Variants in PRTG observed in about 807,000 individuals in gnomAD.
PRTG encodes protogenin, also known as immunoglobulin superfamily, DCC subclass, member 5.
A neutral mutation model predicts 122.5 loss-of-function variants in PRTG; 67 were observed. The observed-to-expected ratio is 0.55, with a 90% confidence interval of 0.45 to 0.67. PRTG has a LOEUF of 0.67. Among genes scored for constraint, PRTG ranks in the 30% least tolerant of loss-of-function variants. The probability of loss-of-function intolerance (pLI) is 0.00; values close to 1 mark genes in which losing one functional copy is unlikely to be tolerated. For missense variants in PRTG, 1,435 were observed against 1,415.4 expected (o/e 1.01, Z -0.22); for synonymous variants, 554 against 501.1 (o/e 1.11, Z -1.41).
intron 2 of PRTG, among the ~76,000 whole-genome samples, chr15:55,687,246 T>G (rs1303313726): frequency 6.6e-6 from 1 of 152,244 alleles, no homozygotes; most frequent in Non-Finnish European, 1.5e-5. Context: ...TTATTATTTT[T>G]TTGTTTGCTA....
intron 1 of PRTG, among the ~76,000 whole-genome samples, chr15:55,741,480 A>G (rs530983929): frequency 1.3e-5 from 2 of 152,346 alleles, no homozygotes; most frequent in South Asian, 2.1e-4. Context: ...TTTTTATCAG[A>G]GCAGAGGAAA....
chr15:55,686,549 T>C (rs998045789), intron 2 of PRTG, among the ~76,000 whole-genome samples: 2 of 152,198 alleles, frequency 1.3e-5, no homozygotes, highest in African/African-American at 2.4e-5. Flanking sequence ...TCTTCATCCC[T>C]AACAGTCCTC....
At chr15:55,639,027 A>C (rs1211056515) in intron 13 of PRTG, among the ~76,000 whole-genome samples, 1 of 152,134 alleles carries the variant, frequency 6.6e-6, no homozygotes, top group Admixed American at 6.5e-5. Flanking sequence ...GCTAGAGTGC[A>C]GTAGTGGGAT....
At chr15:55,717,496 C>A (rs1419425213) in intron 2 of PRTG, among the ~76,000 whole-genome samples, 2 of 152,200 alleles carry the variant, frequency 1.3e-5, no homozygotes, top group Non-Finnish European at 2.9e-5. Flanking sequence ...AGCTTTTATT[C>A]TTCCAAAGAA....
rs1346524667 is a variant in PRTG at position 55,677,830 on chromosome 15, T to C, written c.1348A>G (p.Ile450Val). 2 of 1,613,768 alleles carry C rather than the reference T, an allele frequency of 1.2e-6. No homozygotes were observed. The highest frequency in any genetic ancestry group is 1.7e-6 in the Non-Finnish European group (2 of 1,179,836). ...TTCATGTAGTGTACAGAATAGGCAA[T>C]GACTTTGTCTGAATTATAAAGTGGC... is the stretch of plus-strand genomic sequence containing the variant. The part of the protein sequence containing the change: ...ERPLYNSDKV[I>V]AYSVHYMKAE... The change falls in exon 8 of 20, where the codon ATT becomes GTT. Residue 450 changes from isoleucine to valine, a missense_variant. Transcript: ENST00000389286.
At chr15:55,641,018 G>A in intron 12 of PRTG, 95 bp downstream of exon 12, 1 of 856,530 alleles carries the variant, frequency 1.2e-6, no homozygotes, top group Non-Finnish European at 1.9e-6. Flanking sequence ...AGCCACCAAA[G>A]CTTCCAAGTA....
At chr15:55,625,319 C>T (rs1007034387) in intron 17 of PRTG, among the ~76,000 whole-genome samples, 15 of 152,298 alleles carry the variant, frequency 9.8e-5, no homozygotes, top group African/African-American at 3.6e-4. Flanking sequence ...TGTTTTAACC[C>T]TTGTCTAGAG....
chr15:55,733,387 G>A (rs535331818), intron 2 of PRTG, among the ~76,000 whole-genome samples: 8 of 151,760 alleles, frequency 5.3e-5, no homozygotes, highest in Admixed American at 4.6e-4. Flanking sequence ...GCGCATGCCT[G>A]TAATCCCAGC....
intron 2 of PRTG, among the ~76,000 whole-genome samples, chr15:55,686,950 G>C (rs1035282813): frequency 2.4e-4 from 36 of 152,286 alleles, no homozygotes; most frequent in African/African-American, 8.7e-4. Flanking sequence ...GTACACTGCA[G>C]ACCTTCACTG....
At chr15:55,667,010 T>C (rs573451384) in intron 11 of PRTG, among the ~76,000 whole-genome samples, 3 of 152,266 alleles carry the variant, frequency 2.0e-5, no homozygotes, top group Admixed American at 1.3e-4. Context: ...GTTTCTATAA[T>C]AGAACATTGT....
Position 55,670,650 on chromosome 15 carries a change from C to T in PRTG, c.2041+1795G>A, listed in dbSNP as rs188012030. On this transcript the variant is annotated intron_variant, in intron 11 of 19. Transcript: ENST00000389286. The stretch of plus-strand genomic sequence containing the variant: ...GCACAGTGGCTCACGCCTGTAATCC[C>T]AACACTTTGGGAGGCTGAGATGGGC... Among the ~76,000 whole-genome samples the T allele has an allele frequency of 2.0e-5, 3 of 152,120 alleles. No homozygotes were observed. The East Asian group carries it at 5.8e-4, about 29-fold the overall frequency.
intron 15 of PRTG, among the ~76,000 whole-genome samples, chr15:55,633,334 C>A (rs960192344): frequency 1.3e-5 from 2 of 152,014 alleles, no homozygotes; most frequent in African/African-American, 4.8e-5. Flanking sequence ...CTCAGCCTCC[C>A]GAGTAGCTGG....
At chr15:55,718,462 C>T (rs1454064424) in intron 2 of PRTG, among the ~76,000 whole-genome samples, 3 of 152,040 alleles carry the variant, frequency 2.0e-5, no homozygotes, top group Non-Finnish European at 4.4e-5. Flanking sequence ...GTGACCCCCA[C>T]CCCTGCCAGC....
In PRTG at chr15:55,680,213, C is replaced by A; in HGVS notation, c.815-1G>T. Reference sequence around the variant, plus strand: ...TTAAAGACATCAATGGATTTGTGATCTATTTCAAAGAGAATACTTCAGTTT... The same window carrying A: ...TTAAAGACATCAATGGATTTGTGATATATTTCAAAGAGAATACTTCAGTTT... On this transcript the variant is annotated splice_acceptor_variant, in intron 5 of 19. Coordinates refer to ENST00000389286, the MANE Select transcript of PRTG (RefSeq NM_173814.6). LOFTEE classifies it high-confidence loss of function. 6.2e-7 allele frequency: 1 copy of A among 1,606,080 alleles called. No homozygotes were observed. The highest frequency in any genetic ancestry group is 1.1e-5 in the South Asian group (1 of 90,646).
intron 2 of PRTG, among the ~76,000 whole-genome samples, chr15:55,715,050 C>G (rs2030549405): frequency 1.3e-5 from 2 of 152,262 alleles, no homozygotes; most frequent in East Asian, 3.9e-4. Context: ...TTCATACTCT[C>G]TAAACACCAA....
At chr15:55,739,943 G>A (rs1177912476) in intron 2 of PRTG, among the ~76,000 whole-genome samples, 2 of 152,220 alleles carry the variant, frequency 1.3e-5, no homozygotes, top group Non-Finnish European at 2.9e-5. Flanking sequence ...AGCAGTCAGA[G>A]AAATGGAAGC....
chr15:55,728,940 T>G (rs1595681683), intron 2 of PRTG, among the ~76,000 whole-genome samples: 1 of 152,240 alleles, frequency 6.6e-6, no homozygotes, highest in Admixed American at 6.5e-5. Flanking sequence ...GTTGTGTTTA[T>G]GTACACAACA....
At chr15:55,663,624 C>A (rs966006205) in intron 11 of PRTG, among the ~76,000 whole-genome samples, 1 of 151,894 alleles carries the variant, frequency 6.6e-6, no homozygotes, top group Non-Finnish European at 1.5e-5. Context: ...TCACTGCAAC[C>A]TCTGCCTCCC....
chr15:55,701,855 T>C (rs1344456339), intron 2 of PRTG, among the ~76,000 whole-genome samples: 1 of 152,192 alleles, frequency 6.6e-6, no homozygotes, highest in Non-Finnish European at 1.5e-5. Flanking sequence ...CACAGAAGGT[T>C]ACATAATATA....
Sources: gnomAD v4.1 joint callset for allele counts (sites outside exome capture counted in the v4.1 genomes callset) on GRCh38, gnomAD v4.1.1 for gene constraint, MANE v1.5 for transcripts, NCBI Gene and HGNC (gene_info 2026-07-23, HGNC 2026-07-21) for gene names.